Variants in CLDN16 observed in about 807,000 individuals in gnomAD.
The protein encoded by CLDN16 is claudin-16.
A neutral mutation model predicts 24.6 loss-of-function variants in CLDN16; 13 were observed. The observed-to-expected ratio is 0.53, with a 90% CI of 0.34 to 0.84. The LOEUF is 0.84. Among genes scored for constraint, CLDN16 ranks in the 40% least tolerant of loss-of-function variants. The pLI, the probability that CLDN16 is intolerant of heterozygous loss-of-function variation, is 0.01. For missense variants in CLDN16, 298 were observed against 292.7 expected (o/e 1.02, Z -0.13); for synonymous variants, 116 against 106.7 (o/e 1.09, Z -0.54).
At chr3:190,317,835 C>A (rs1451265336), upstream of CLDN16, among the ~76,000 whole-genome samples, 2 of 152,188 alleles carry the variant, frequency 1.3e-5, no homozygotes, top group Admixed American at 1.3e-4. Flanking sequence ...AGAAATCCAC[C>A]TATAAGTGGA....
chr3:190,385,899 T>C (rs1320808750), upstream of CLDN16, among the ~76,000 whole-genome samples: 1 of 152,190 alleles, frequency 6.6e-6, no homozygotes, highest in African/African-American at 2.4e-5. Context: ...ATGTAAAATA[T>C]GAATTCCTGG....
At chr3:190,334,952 T>C (rs1447764116) in intron 1 of CLDN16, among the ~76,000 whole-genome samples, 1 of 151,958 alleles carries the variant, frequency 6.6e-6, no homozygotes, top group Admixed American at 6.6e-5. Context: ...TCGTTGTGGG[T>C]TCAGTCTAAA....
intron 3 of CLDN16, among the ~76,000 whole-genome samples, chr3:190,379,975 GTCTATCTA>G (rs34203533): frequency 7.2e-4 from 108 of 149,102 alleles, no homozygotes; most frequent in East Asian, 3.2e-3. Context: ...TATCAACTCT[GTCTATCTA>G]TCTATCTATC....
At chr3:190,327,126 G>C (rs939380768) in intron 1 of CLDN16, among the ~76,000 whole-genome samples, 2 of 152,104 alleles carry the variant, frequency 1.3e-5, no homozygotes, top group African/African-American at 4.8e-5. Context: ...TGTGGGAGCT[G>C]CCAAATTCAA....
the CLDN16 span, among the ~76,000 whole-genome samples, chr3:190,296,678 T>C: frequency 1.0e-3 from 154 of 151,200 alleles, no homozygotes; most frequent in African/African-American, 3.5e-3. Context: ...GCCTCCCGAG[T>C]AGCTGGAACT....
intron 1 of CLDN16, among the ~76,000 whole-genome samples, chr3:190,351,900 G>A (rs535038301): frequency 6.6e-6 from 1 of 152,180 alleles, no homozygotes; most frequent in Admixed American, 6.5e-5. Context: ...ACATTCAAGA[G>A]TATTCAAGTT....
Position 190,336,701 on chromosome 3 carries a change from AG to A in CLDN16, n.121+14041del, listed in dbSNP as rs1315705012. On this transcript the variant is annotated intron_variant and non_coding_transcript_variant, in intron 1 of 4. Transcript: ENST00000468220. ...TGTGGAGTCTCTGACAAGCCCCAAC[AG>A]AAGGGTTTCATAACAGGCTGCTGAG... Among the ~76,000 whole-genome samples, 15 of 152,324 alleles carry A rather than the reference AG, an allele frequency of 9.8e-5. No individual in the cohort carries two copies. In the East Asian group the frequency reaches 2.9e-3, roughly 29 times the overall value.
chr3:190,350,367 C>A (rs1311658236), intron 1 of CLDN16, among the ~76,000 whole-genome samples: 9 of 113,922 alleles, frequency 7.9e-5, no homozygotes, highest in African/African-American at 1.8e-4. Context: ...TATATATATA[C>A]TTTATTATAG....
intron 1 of CLDN16, among the ~76,000 whole-genome samples, chr3:190,335,023 C>CTTTTTTTTTTTTTTTTTTTTTTTTTTTT (rs57744577): frequency 1.5e-5 from 2 of 134,336 alleles, no homozygotes; most frequent in African/African-American, 2.7e-5. Context: ...TTTCTTTTTT[C>CTTTTTTTTTTTTTTTTTTTTTTTTTTTT]TTTTTTTTTT....
At chr3:190,406,891 A>C (rs55654563) in intron 3 of CLDN16, among the ~76,000 whole-genome samples, 14,744 of 151,530 alleles carry the variant, frequency 0.097, 1,108 homozygotes, top group African/African-American at 0.21. Flanking sequence ...ACAGGCGCCC[A>C]CCACCACGCC....
chr3:190,393,768 TA>T lies in CLDN16; in HGVS notation c.114+5328del, dbSNP rs1553808248. 2.3e-3 allele frequency among the ~76,000 whole-genome samples: 309 copies of T among 133,544 alleles called. 1 individual carries two copies. The highest frequency in any genetic ancestry group is 4.0e-3 in the Non-Finnish European group (238 of 60,248). The allele number at this position is 133,544 out of a possible 152,430, so 87.6% of individuals were successfully genotyped here. A position where few individuals can be genotyped will look rare whatever the true frequency, so the allele number is the denominator to read the frequency against. On this transcript the variant is annotated intron_variant, in intron 1 of 4. Transcript: ENST00000264734. ...TTGCCTTTTTTTTTTTTTTTTTTTTTAAATCAGAATCTCTCTCTGTCGCCCA... is the reference window on the plus strand; with the variant it reads ...TTGCCTTTTTTTTTTTTTTTTTTTTTAATCAGAATCTCTCTCTGTCGCCCA...
chr3:190,365,834 G>A, intron 1 of CLDN16, among the ~76,000 whole-genome samples: 1 of 151,666 alleles, frequency 6.6e-6, no homozygotes, highest in East Asian at 2.0e-4. Flanking sequence ...TTTTCAGCCA[G>A]GTATGGTGTG....
At chr3:190,319,051 CA>C (rs1353868650), upstream of CLDN16, among the ~76,000 whole-genome samples, 1 of 152,142 alleles carries the variant, frequency 6.6e-6, no homozygotes, top group Non-Finnish European at 1.5e-5. Context: ...AACATTCCTT[CA>C]AAATGCTTAT....
intron 1 of CLDN16, among the ~76,000 whole-genome samples, chr3:190,370,494 G>C (rs1718115576): frequency 6.6e-6 from 1 of 151,882 alleles, no homozygotes; most frequent in Non-Finnish European, 1.5e-5. Flanking sequence ...TAAAAATTTA[G>C]AGTTTCTAAA....
chr3:190,370,019 C>A (rs1182958843), intron 1 of CLDN16, among the ~76,000 whole-genome samples: 1 of 151,778 alleles, frequency 6.6e-6, no homozygotes, highest in Non-Finnish European at 1.5e-5. Context: ...TTGTTTTTAC[C>A]CTAAATAGCT....
rs527975167 is a variant in CLDN16, at chr3:190,360,470, T to C, written n.122-10423T>C. On this transcript the variant is annotated intron_variant and non_coding_transcript_variant, in intron 1 of 4. Transcript: ENST00000468220. Reference sequence around the variant, plus strand: ...TAGGAAGTCTTCTCAATCATCAAAATAAGAGATAATAAGAAACTCAACTGG... The same window carrying C: ...TAGGAAGTCTTCTCAATCATCAAAACAAGAGATAATAAGAAACTCAACTGG... Among the ~76,000 whole-genome samples, 6 of 151,998 alleles carry C rather than the reference T, an allele frequency of 3.9e-5. 1 individual carries two copies. The South Asian group carries it at 1.0e-3, about 26-fold the overall frequency.
At chr3:190,328,872 C>T (rs185354215) in intron 1 of CLDN16, among the ~76,000 whole-genome samples, 120 of 152,204 alleles carry the variant, frequency 7.9e-4, no homozygotes, top group Middle Eastern at 6.8e-3. Context: ...AGTAATCAAA[C>T]GAGATGGCAA....
intron 3 of CLDN16, among the ~76,000 whole-genome samples, chr3:190,407,231 G>A (rs933724855): frequency 6.6e-6 from 1 of 152,038 alleles, no homozygotes; most frequent in Non-Finnish European, 1.5e-5. Flanking sequence ...AACAACTCTG[G>A]AAAGTAATCT....
chr3:190,400,923 C>A (rs559952703), intron 1 of CLDN16, among the ~76,000 whole-genome samples: 2 of 152,184 alleles, frequency 1.3e-5, no homozygotes, highest in Non-Finnish European at 2.9e-5. Flanking sequence ...CCTATCTCCT[C>A]CATTAACTAT....
Sources: allele counts gnomAD v4.1 joint callset (sites outside exome capture counted in the v4.1 genomes callset), GRCh38; gene constraint gnomAD v4.1.1; transcripts MANE v1.5; gene names NCBI Gene and HGNC (gene_info 2026-07-23, HGNC 2026-07-21).